The following USP34 variants were observed in gnomAD, a reference collection of about 807,000 sequenced individuals.
The protein encoded by USP34 is ubiquitin carboxyl-terminal hydrolase 34.
In USP34, 70 loss-of-function variants were observed where a neutral mutation model predicts 460.3. The ratio of observed to expected loss-of-function variants is 0.15; its 90% CI spans 0.13 to 0.19. USP34 has a LOEUF of 0.19. Ranked by LOEUF, USP34 falls within the 10% of genes least tolerant of loss-of-function variation. The probability of loss-of-function intolerance (pLI) is 1.00; values close to 1 mark genes in which losing one functional copy is unlikely to be tolerated. For synonymous variants in USP34, 1,647 were observed against 1,405.3 expected, an observed-to-expected ratio of 1.17 and a Z score of -3.85; for missense variants, 3,985 against 4,236.2, an observed-to-expected ratio of 0.94 and a Z score of 1.65.
At chr2:61,209,073 C>A in intron 69 of USP34, 96 bp from the exon 70 acceptor site, 1 of 668,068 alleles carries the variant, frequency 1.5e-6, no homozygotes, top group Non-Finnish European at 2.3e-6. Flanking sequence ...ATCATTTAAG[C>A]TCTCTGCTTT....
chr2:61,379,613 G>A (rs1026647122), intron 7 of USP34, among the ~76,000 whole-genome samples: 2 of 152,194 alleles, frequency 1.3e-5, no homozygotes, highest in African/African-American at 4.8e-5. Context: ...TTCATTCTGA[G>A]GGATAAAGTT....
At chr2:61,239,630 T>A (rs1349263240) in intron 53 of USP34, among the ~76,000 whole-genome samples, 1 of 152,166 alleles carries the variant, frequency 6.6e-6, no homozygotes, top group Non-Finnish European at 1.5e-5. Context: ...TTATAATGAA[T>A]ACCATCTAAT....
chr2:61,286,473 T>A (rs546612928), intron 34 of USP34, among the ~76,000 whole-genome samples: 10 of 152,224 alleles, frequency 6.6e-5, no homozygotes, highest in African/African-American at 2.4e-4. Flanking sequence ...CTGTCCAAGA[T>A]GGCAAAACCC....
intron 48 of USP34, 66 bp from the exon 49 acceptor site, chr2:61,248,749 G>A (rs2103875942): frequency 7.1e-7 from 1 of 1,411,146 alleles, no homozygotes; most frequent in African/African-American, 1.4e-5. Context: ...TTTGATTTCT[G>A]TTATGCTATA....
intron 2 of USP34, among the ~76,000 whole-genome samples, chr2:61,414,471 A>G (rs187678458): frequency 6.6e-6 from 1 of 152,290 alleles, no homozygotes; most frequent in African/African-American, 2.4e-5. Flanking sequence ...TCTAATACAC[A>G]TTTATCTCCC....
chr2:61,269,234 C>T (rs1248331274), intron 41 of USP34, among the ~76,000 whole-genome samples: 1 of 152,086 alleles, frequency 6.6e-6, no homozygotes, highest in African/African-American at 2.4e-5. Context: ...GATCATGGCT[C>T]ACTGCAGCCT....
intron 21 of USP34, among the ~76,000 whole-genome samples, chr2:61,320,214 T>C (rs921503858): frequency 2.0e-5 from 3 of 152,248 alleles, no homozygotes; most frequent in Admixed American, 6.5e-5. Context: ...AACTCGCTTA[T>C]TCCAGTTCAG....
intron 2 of USP34, among the ~76,000 whole-genome samples, chr2:61,414,110 A>G (rs1392009344): frequency 6.6e-6 from 1 of 151,756 alleles, no homozygotes; most frequent in Non-Finnish European, 1.5e-5. Flanking sequence ...TACAAAAGAA[A>G]TTAGCCGGGC....
chr2:61,307,044 A>G (rs1237249592), intron 27 of USP34, among the ~76,000 whole-genome samples: 6 of 152,184 alleles, frequency 3.9e-5, no homozygotes, highest in Non-Finnish European at 8.8e-5. Flanking sequence ...TATTCACAAG[A>G]GCAAAGACTT....
intron 5 of USP34, 39 bp from the exon 6 acceptor site, chr2:61,383,375 T>G: frequency 1.4e-6 from 2 of 1,423,834 alleles, no homozygotes; most frequent in Non-Finnish European, 1.9e-6. Flanking sequence ...ATGCCTAATA[T>G]GTGAAATACA....
chr2:61,446,891 G>A (rs1695135285), intron 1 of USP34, among the ~76,000 whole-genome samples: 1 of 151,780 alleles, frequency 6.6e-6, no homozygotes. Flanking sequence ...TGGTGATCTG[G>A]AAAATATTGG....
chr2:61,317,267 C>T (rs910788090), intron 23 of USP34, among the ~76,000 whole-genome samples: 2 of 152,228 alleles, frequency 1.3e-5, no homozygotes, highest in African/African-American at 4.8e-5. Flanking sequence ...TGGCTCATGC[C>T]TGTAATCCCA....
intron 1 of USP34, among the ~76,000 whole-genome samples, chr2:61,452,318 CTTTTT>C (rs35104375): frequency 8.9e-5 from 8 of 89,928 alleles, no homozygotes; most frequent in South Asian, 9.6e-4. Context: ...ATTCCCGGCA[CTTTTT>C]TTTTTTTTTT....
chr2:61,188,076 TAA>T lies in USP34; in HGVS notation c.*24_*25del. ...GCATGGGGGTTGGGGGTGAGGGACT[TAA>T]AAGTAGACATGCTACACCTAATGTC... On this transcript the variant is annotated 3_prime_UTR_variant, in exon 80 of 80. Coordinates refer to ENST00000398571, the MANE Select transcript of USP34 (RefSeq NM_014709.4). 1 of 1,590,418 alleles carries T rather than the reference TAA, an allele frequency of 6.3e-7. No individual in the cohort carries two copies. Among genetic ancestry groups the T allele is most frequent in the Non-Finnish European group, 8.6e-7 (1 of 1,168,198 alleles).
At chr2:61,321,775 G>T (rs529812526) in intron 21 of USP34, among the ~76,000 whole-genome samples, 2 of 152,182 alleles carry the variant, frequency 1.3e-5, no homozygotes, top group South Asian at 2.1e-4. Flanking sequence ...CCTAAAATAG[G>T]AGCACATCCG....
rs144475761 is a variant in USP34 at position 61,328,975 on chromosome 2, T to C, written c.2930+2301A>G. Among the ~76,000 whole-genome samples, 400 of 152,278 alleles carry C rather than the reference T, an allele frequency of 2.6e-3. 1 individual carries two copies. Among genetic ancestry groups the C allele is most frequent in the Non-Finnish European group, 4.5e-3 (309 of 68,010 alleles). On this transcript the variant is annotated intron_variant, in intron 20 of 79. Coordinates refer to ENST00000398571, the MANE Select transcript of USP34 (RefSeq NM_014709.4). Reference sequence around the variant, plus strand: ...AACTCCCCATCTCCTAATAAAAATGTGGGCCATGTGTGGTTTTATTTCTGC... The same window carrying C: ...AACTCCCCATCTCCTAATAAAAATGCGGGCCATGTGTGGTTTTATTTCTGC...
intron 16 of USP34, among the ~76,000 whole-genome samples, chr2:61,340,760 T>C (rs1265548332): frequency 6.6e-6 from 1 of 152,136 alleles, no homozygotes; most frequent in Non-Finnish European, 1.5e-5. Flanking sequence ...TTTAATTGGG[T>C]TGTCTTACTA....
chr2:61,412,482 A>G (rs1299365789), intron 2 of USP34, among the ~76,000 whole-genome samples: 2 of 152,180 alleles, frequency 1.3e-5, no homozygotes, highest in South Asian at 4.1e-4. Flanking sequence ...TTTTGTATAT[A>G]TATCATTTAC....
At chr2:61,364,071 C>G (rs564214174) in intron 10 of USP34, among the ~76,000 whole-genome samples, 1 of 152,254 alleles carries the variant, frequency 6.6e-6, no homozygotes, top group South Asian at 2.1e-4. Context: ...CTCATGGAGA[C>G]AGAAGATGAC....
Sources: gnomAD v4.1 joint callset for allele counts (sites outside exome capture counted in the v4.1 genomes callset) on GRCh38, gnomAD v4.1.1 for gene constraint, MANE v1.5 for transcripts, NCBI Gene and HGNC (gene_info 2026-07-23, HGNC 2026-07-21) for gene names.